KIF26B: variants seen among roughly 807,000 people sequenced by gnomAD.
KIF26B encodes kinesin-like protein KIF26B.
Under a neutral mutation model 151.2 loss-of-function variants are expected in KIF26B, and 63 were observed. That is an observed-to-expected ratio of 0.42 (90% CI 0.34 to 0.51). KIF26B has a LOEUF of 0.51. KIF26B is among the 20% of genes least tolerant of loss of function. The probability of loss-of-function intolerance (pLI) is 0.07; values close to 1 mark genes in which losing one functional copy is unlikely to be tolerated. For synonymous variants in KIF26B, 1,357 were observed against 1,262.1 expected, an observed-to-expected ratio of 1.08 and a Z score of -1.59; for missense variants, 2,813 against 2,913.6, an observed-to-expected ratio of 0.97 and a Z score of 0.79.
Position 245,418,378 on chromosome 1 carries a change from G to A in KIF26B, c.1000-1201G>A, listed in dbSNP as rs118113890. Among the ~76,000 whole-genome samples the A allele has an allele frequency of 6.0e-4, 91 of 152,330 alleles. 2 individuals carry two copies. In the East Asian group the frequency reaches 0.015, roughly 25 times the overall value. On this transcript the variant is annotated intron_variant, in intron 3 of 14. Coordinates refer to ENST00000407071, the MANE Select transcript of KIF26B (RefSeq NM_018012.4). ...GAAAGTGTGTGTTGGCAGAATTTCC[G>A]TTGAATAATGCCAAGGCTTTCCAAG...
At chr1:245,402,034 G>T (rs1476722863) in intron 3 of KIF26B, among the ~76,000 whole-genome samples, 1 of 152,184 alleles carries the variant, frequency 6.6e-6, no homozygotes, top group Non-Finnish European at 1.5e-5. Context: ...TGGCCTGTGG[G>T]TAAGGAGGAT....
At chr1:245,289,544 C>T (rs10924160) in intron 2 of KIF26B, among the ~76,000 whole-genome samples, 89,816 of 152,010 alleles carry the variant, frequency 0.59, 26,827 homozygotes, top group Middle Eastern at 0.68. Flanking sequence ...CTGACTTAAA[C>T]TGTGGCTTTG....
rs1055293946 is a variant in KIF26B, at chr1:245,707,813, G to A, written c.*5207G>A. The A allele has an allele frequency of 6.6e-6, 1 of 152,128 alleles. No homozygotes were observed. The highest frequency in any genetic ancestry group is 1.5e-5 in the Non-Finnish European group (1 of 68,030). The allele number at this position is 152,128 out of a possible 1,614,324, so 9.4% of individuals were successfully genotyped here. A position where few individuals can be genotyped will look rare whatever the true frequency, so the allele number is the denominator to read the frequency against. On this transcript the variant is annotated 3_prime_UTR_variant, in exon 15 of 15. Transcript: ENST00000407071. Reference sequence around the variant, plus strand: ...ATGGGCTTGGAAATCCACGCCCACCGGCTTGCACGGAAGAGGACTCAGCCT... The same window carrying A: ...ATGGGCTTGGAAATCCACGCCCACCAGCTTGCACGGAAGAGGACTCAGCCT...
In KIF26B at chr1:245,184,119, A is replaced by G. The variant is rs1443129525; in HGVS notation, c.465+27436A>G. Among the ~76,000 whole-genome samples the G allele has an allele frequency of 4.3e-5, 5 of 115,718 alleles. No homozygotes were observed. In the Admixed American group the frequency reaches 5.6e-4, roughly 13 times the overall value. The allele number at this position is 115,718 out of a possible 152,430, so 75.9% of individuals were successfully genotyped here. On this transcript the variant is annotated intron_variant, in intron 2 of 14. Coordinates refer to ENST00000407071, the MANE Select transcript of KIF26B (RefSeq NM_018012.4). ...TTTTCCTCCAAGTCCCCCAAGGATC[A>G]GTTATAGCTCTGGGAAAGTGGGGGG... is the stretch of plus-strand genomic sequence containing the variant.
chr1:245,676,900 T>G (rs1484796663), intron 10 of KIF26B, among the ~76,000 whole-genome samples: 1 of 152,148 alleles, frequency 6.6e-6, no homozygotes, highest in African/African-American at 2.4e-5. Flanking sequence ...TGCCTGTCAC[T>G]GGGCACAGCC....
At chr1:245,453,670 T>C (rs1259998888) in intron 4 of KIF26B, among the ~76,000 whole-genome samples, 2 of 152,182 alleles carry the variant, frequency 1.3e-5, no homozygotes, top group Non-Finnish European at 2.9e-5. Flanking sequence ...ACAGTGTTAT[T>C]TGTCGTAATA....
At chr1:245,695,764 TC>T in intron 12 of KIF26B, among the ~76,000 whole-genome samples, 2 of 151,522 alleles carry the variant, frequency 1.3e-5, no homozygotes, top group Non-Finnish European at 2.9e-5. Context: ...CCTTCTCTAC[TC>T]CCAGCTCACA....
intron 2 of KIF26B, among the ~76,000 whole-genome samples, chr1:245,243,892 GGAAA>G (rs2103561358): frequency 6.6e-6 from 1 of 151,580 alleles, no homozygotes. Flanking sequence ...GGAAAGGAAA[GGAAA>G]GGAAAAGAAA....
intron 2 of KIF26B, among the ~76,000 whole-genome samples, chr1:245,356,060 A>G (rs1321684371): frequency 6.6e-6 from 1 of 151,964 alleles, no homozygotes; most frequent in Non-Finnish European, 1.5e-5. Context: ...CTGAGAGGGG[A>G]CCTGGAAACC....
intron 12 of KIF26B, among the ~76,000 whole-genome samples, chr1:245,697,162 A>G (rs2044706148): frequency 2.0e-5 from 3 of 152,044 alleles, no homozygotes; most frequent in Admixed American, 2.0e-4. Context: ...CCCAGAGTTC[A>G]CTCCATAGAG....
chr1:245,590,212 C>G (rs1558227465), intron 5 of KIF26B, among the ~76,000 whole-genome samples: 1 of 151,686 alleles, frequency 6.6e-6, no homozygotes, highest in Non-Finnish European at 1.5e-5. Flanking sequence ...CCCGGCGAGT[C>G]AGAGCAGGGG....
intron 2 of KIF26B, among the ~76,000 whole-genome samples, chr1:245,234,771 C>T (rs2103556963): frequency 6.6e-6 from 1 of 152,312 alleles, no homozygotes; most frequent in South Asian, 2.1e-4. Context: ...CTTGCGTGAG[C>T]TCAGCAGGGG....
At chr1:245,351,843 G>A (rs1177192887) in intron 2 of KIF26B, among the ~76,000 whole-genome samples, 1 of 151,766 alleles carries the variant, frequency 6.6e-6, no homozygotes, top group African/African-American at 2.4e-5. Flanking sequence ...CACCATAAAG[G>A]TTGAGACCAT....
intron 2 of KIF26B, among the ~76,000 whole-genome samples, chr1:245,237,897 G>A (rs1052483234): frequency 1.3e-5 from 2 of 151,912 alleles, no homozygotes; most frequent in African/African-American, 4.8e-5. Flanking sequence ...GTGGTGACAT[G>A]TGCCTGTGGT....
At chr1:245,485,706 A>C (rs900730041) in intron 4 of KIF26B, among the ~76,000 whole-genome samples, 3 of 152,022 alleles carry the variant, frequency 2.0e-5, no homozygotes, top group Non-Finnish European at 4.4e-5. Context: ...TAAATGCTGC[A>C]TGTGAAGGTA....
At chr1:245,688,880 G>C in intron 12 of KIF26B, 73 bp downstream of exon 12, 1 of 1,477,266 alleles carries the variant, frequency 6.8e-7, no homozygotes, top group East Asian at 2.5e-5. Flanking sequence ...CCACTGCCAG[G>C]GTGTCCCGTG....
At chr1:245,684,084 C>G (rs982010503) in intron 10 of KIF26B, 149 bp from the exon 11 acceptor site, 3 of 782,712 alleles carry the variant, frequency 3.8e-6, no homozygotes, top group African/African-American at 3.5e-5. Context: ...TAGCCCCATG[C>G]TGGAAAATGA....
intron 10 of KIF26B, among the ~76,000 whole-genome samples, chr1:245,680,669 C>A (rs1254741052): frequency 6.6e-6 from 1 of 152,214 alleles, no homozygotes; most frequent in Non-Finnish European, 1.5e-5. Context: ...CGGGGAACTT[C>A]AGAGTGCAGG....
chr1:245,387,145 T>G (rs572390151), intron 3 of KIF26B, among the ~76,000 whole-genome samples: 12 of 137,742 alleles, frequency 8.7e-5, no homozygotes, highest in African/African-American at 3.6e-4. Context: ...CTGACCTAGG[T>G]TTTTTTTTGT....
Sources: allele counts gnomAD v4.1 joint callset (sites outside exome capture counted in the v4.1 genomes callset), GRCh38; gene constraint gnomAD v4.1.1; transcripts MANE v1.5; gene names NCBI Gene and HGNC (gene_info 2026-07-23, HGNC 2026-07-21).